The following SOCS5 variants were observed in gnomAD, a reference collection of about 807,000 sequenced individuals.
SOCS5 encodes the protein suppressor of cytokine signaling 5, also known as CIS-6.
In SOCS5, 32 loss-of-function variants were observed where a neutral mutation model predicts 42.8. The observed-to-expected ratio is 0.75, with a 90% CI of 0.56 to 1.01. SOCS5 has a LOEUF of 1.01. SOCS5 is among the 50% of genes least tolerant of loss of function. SOCS5 has a pLI of 0.00. For missense variants in SOCS5, 627 were observed against 653.0 expected (o/e 0.96, Z 0.43); for synonymous variants, 283 against 229.6 (o/e 1.23, Z -2.10).
At chr2:46,754,455 A>G (rs1187027419) in intron 1 of SOCS5, among the ~76,000 whole-genome samples, 1 of 152,148 alleles carries the variant, frequency 6.6e-6, no homozygotes, top group South Asian at 2.1e-4. Context: ...ATACTTCATT[A>G]GGTTAGTTGA....
intron 1 of SOCS5, among the ~76,000 whole-genome samples, chr2:46,709,294 C>G (rs1469051563): frequency 6.6e-6 from 1 of 152,164 alleles, no homozygotes; most frequent in Non-Finnish European, 1.5e-5. Context: ...AGAGAAGAGG[C>G]TGTAATCTTT....
intron 1 of SOCS5, among the ~76,000 whole-genome samples, chr2:46,741,735 G>A (rs989413869): frequency 3.3e-5 from 5 of 152,044 alleles, no homozygotes; most frequent in Admixed American, 6.6e-5. Context: ...GGTTTTTTAT[G>A]TCTATTATTT....
chr2:46,708,008 T>C (rs1672535997), intron 1 of SOCS5, among the ~76,000 whole-genome samples: 1 of 152,120 alleles, frequency 6.6e-6, no homozygotes, highest in Admixed American at 6.5e-5. Context: ...GTACTGAAAA[T>C]GAAAAATAGA....
intron 1 of SOCS5, among the ~76,000 whole-genome samples, chr2:46,734,583 T>C (rs936731277): frequency 6.6e-6 from 1 of 152,222 alleles, no homozygotes; most frequent in African/African-American, 2.4e-5. Context: ...CCCTTAACTC[T>C]CAGAATCATA....
intron 1 of SOCS5, among the ~76,000 whole-genome samples, chr2:46,709,083 C>T (rs1178504838): frequency 6.6e-6 from 1 of 152,026 alleles, no homozygotes; most frequent in Non-Finnish European, 1.5e-5. Flanking sequence ...GATGAGGTTT[C>T]ACCGTGTTGG....
At chr2:46,709,231 T>G (rs1313342566) in intron 1 of SOCS5, among the ~76,000 whole-genome samples, 1 of 152,192 alleles carries the variant, frequency 6.6e-6, no homozygotes, top group African/African-American at 2.4e-5. Flanking sequence ...TTTGCCTCTT[T>G]ACCTTTCCAG....
intron 1 of SOCS5, among the ~76,000 whole-genome samples, chr2:46,724,093 G>T (rs970844753): frequency 2.0e-5 from 3 of 151,936 alleles, no homozygotes; most frequent in African/African-American, 7.2e-5. Flanking sequence ...ACTTTTGTGT[G>T]TTGACCTGTA....
chr2:46,759,090 T>A lies in SOCS5; in HGVS notation c.560T>A (p.Leu187Ter). 1 of 1,613,964 alleles carries A rather than the reference T, an allele frequency of 6.2e-7. No individual in the cohort carries two copies. The highest frequency in any genetic ancestry group is 8.5e-7 in the Non-Finnish European group (1 of 1,179,832). Residue 187 changes from leucine (L) to a stop codon, truncating the protein, a stop_gained, in exon 2 of 2, where the codon TTG becomes TAG. Coordinates refer to ENST00000394861, the MANE Select transcript of SOCS5 (RefSeq NM_144949.3). LOFTEE classifies it high-confidence loss of function. ...CAGAGGTTGCAGGATACTGTGGGCT[T>A]GTGTTTTCCCATGAGAACTTACAGC... ...LRQRLQDTVG[L>*]CFPMRTYSKQ...
At chr2:46,716,172 A>G (rs1170288456) in intron 1 of SOCS5, among the ~76,000 whole-genome samples, 2 of 140,982 alleles carry the variant, frequency 1.4e-5, no homozygotes, top group East Asian at 2.2e-4. Context: ...CTTCTCTATG[A>G]GGTATTTCCT....
chr2:46,747,894 C>T (rs1208418664), intron 1 of SOCS5, among the ~76,000 whole-genome samples: 1 of 152,164 alleles, frequency 6.6e-6, no homozygotes, highest in Non-Finnish European at 1.5e-5. Context: ...TTTTCAGATT[C>T]TGAGCTTTTG....
At chr2:46,747,392 T>C (rs955539147) in intron 1 of SOCS5, among the ~76,000 whole-genome samples, 1 of 152,046 alleles carries the variant, frequency 6.6e-6, no homozygotes, top group African/African-American at 2.4e-5. Context: ...GGCTAACTTT[T>C]GTATATAGAG....
chr2:46,733,956 G>T (rs1438184631), intron 1 of SOCS5, among the ~76,000 whole-genome samples: 1 of 152,214 alleles, frequency 6.6e-6, no homozygotes, highest in African/African-American at 2.4e-5. Flanking sequence ...GATGTAATCA[G>T]TATGCAGTAA....
At chr2:46,700,119 G>T (rs1030983490) in intron 1 of SOCS5, among the ~76,000 whole-genome samples, 2 of 152,186 alleles carry the variant, frequency 1.3e-5, no homozygotes, top group Admixed American at 1.3e-4. Flanking sequence ...AGCAGAAGCG[G>T]AGTGATTTTT....
At chr2:46,719,850 A>G (rs1277130954) in intron 1 of SOCS5, among the ~76,000 whole-genome samples, 6 of 152,242 alleles carry the variant, frequency 3.9e-5, no homozygotes, top group Non-Finnish European at 8.8e-5. Context: ...TAAGTGGTCT[A>G]GAGGCTATTC....
intron 1 of SOCS5, among the ~76,000 whole-genome samples, chr2:46,717,448 C>G (rs1237082954): frequency 1.3e-5 from 2 of 152,124 alleles, no homozygotes; most frequent in African/African-American, 2.4e-5. Context: ...TTGCTTCTGG[C>G]TCATGACTAG....
At chr2:46,699,099 GC>G (rs1672280135), upstream of SOCS5, 2 of 152,528 alleles carry the variant, frequency 1.3e-5, no homozygotes, top group Admixed American at 6.5e-5. The surrounding 1 kb of genome is among the most constrained non-coding windows in gnomAD (Gnocchi z 4.8). Flanking sequence ...AGCCCTGCCT[GC>G]TATTGGTCAC....
In SOCS5 at chr2:46,761,219, T is replaced by C. The variant is rs1445519409; in HGVS notation, c.*1078T>C. ...AGGTACTGTACAACCATTATATCTG[T>C]AAATAACTTAGCACCTTTTTGTCAC... is the stretch of plus-strand genomic sequence containing the variant. On this transcript the variant is annotated 3_prime_UTR_variant, in exon 2 of 2. Coordinates refer to ENST00000394861, the MANE Select transcript of SOCS5 (RefSeq NM_144949.3). The C allele has an allele frequency of 6.0e-6, 1 of 167,148 alleles. No individual in the cohort carries two copies. Among genetic ancestry groups the C allele is most frequent in the Non-Finnish European group, 1.5e-5 (1 of 68,120 alleles). 10.4% of individuals were successfully genotyped at this position (167,148 alleles called of 1,614,324 possible).
intron 1 of SOCS5, among the ~76,000 whole-genome samples, chr2:46,731,119 C>T (rs887031275): frequency 1.3e-5 from 2 of 152,322 alleles, no homozygotes; most frequent in East Asian, 3.9e-4. Flanking sequence ...GTGGAAAGGG[C>T]TGCTGTAGAC....
At chr2:46,721,329 C>A (rs555816301) in intron 1 of SOCS5, among the ~76,000 whole-genome samples, 2 of 152,062 alleles carry the variant, frequency 1.3e-5, no homozygotes, top group Admixed American at 6.5e-5. Flanking sequence ...TCTCTGAGGC[C>A]CTGTATCATT....
Sources: gnomAD v4.1 joint callset for allele counts (sites outside exome capture counted in the v4.1 genomes callset) on GRCh38, gnomAD v4.1.1 for gene constraint, Gnocchi (gnomAD v3.1) non-coding constraint, MANE v1.5 for transcripts, NCBI Gene and HGNC (gene_info 2026-07-23, HGNC 2026-07-21) for gene names.